The following ELAVL2 variants were observed in gnomAD, a reference collection of about 807,000 sequenced individuals.
ELAVL2 encodes the protein ELAV-like protein 2.
Under a neutral mutation model 34.6 loss-of-function variants are expected in ELAVL2, and 4 were observed. That is an observed-to-expected ratio of 0.12 (90% CI 0.06 to 0.26). The LOEUF (loss-of-function observed/expected upper bound fraction) is 0.26, where lower values mean the gene tolerates loss of function less well. Ranked by LOEUF, ELAVL2 falls within the 10% of genes least tolerant of loss-of-function variation. ELAVL2 has a pLI of 1.00. For synonymous variants in ELAVL2, 193 were observed against 154.8 expected, an observed-to-expected ratio of 1.25 and a Z score of -1.83; for missense variants, 432 against 442.8, an observed-to-expected ratio of 0.98 and a Z score of 0.22.
intron 2 of ELAVL2, among the ~76,000 whole-genome samples, chr9:23,741,435 C>T (rs985798389): frequency 1.1e-4 from 16 of 152,148 alleles, no homozygotes; most frequent in African/African-American, 3.9e-4. Flanking sequence ...TGAGCAGATG[C>T]AGATGTAAGA....
chr9:23,825,227 C>CCCCAG (rs1381032274), intron 1 of ELAVL2, among the ~76,000 whole-genome samples: 2 of 152,184 alleles, frequency 1.3e-5, no homozygotes, highest in African/African-American at 2.4e-5. Flanking sequence ...CTCAGCCCAG[C>CCCCAG]CCCAGCCCCA....
chr9:23,846,164 T>A, the ELAVL2 span, among the ~76,000 whole-genome samples: 4 of 151,918 alleles, frequency 2.6e-5, no homozygotes, highest in South Asian at 6.2e-4. Context: ...TATTAGAGAG[T>A]CTATCATCTT....
intron 3 of ELAVL2, among the ~76,000 whole-genome samples, chr9:23,728,752 T>C (rs1022265956): frequency 2.0e-5 from 3 of 152,058 alleles, no homozygotes; most frequent in East Asian, 1.9e-4. Context: ...ATCTGTCTAA[T>C]GGAAATAAAT....
At chr9:23,787,210 C>T (rs1309286979) in intron 1 of ELAVL2, among the ~76,000 whole-genome samples, 1 of 151,786 alleles carries the variant, frequency 6.6e-6, no homozygotes, top group African/African-American at 2.4e-5. Flanking sequence ...TTTTAAAGGG[C>T]ATTACCCCCC....
At chr9:23,724,195 ACTC>A (rs2044488664) in intron 3 of ELAVL2, among the ~76,000 whole-genome samples, 1 of 152,126 alleles carries the variant, frequency 6.6e-6, no homozygotes, top group African/African-American at 2.4e-5. Flanking sequence ...AACTGTTGAG[ACTC>A]TTCTACCATC....
intron 1 of ELAVL2, among the ~76,000 whole-genome samples, chr9:23,788,315 G>C (rs2059938450): frequency 1.3e-5 from 2 of 152,082 alleles, no homozygotes. Flanking sequence ...CCTAAGTCTT[G>C]ATTTCCTCAT....
chr9:23,766,201 A>G (rs536037236), intron 1 of ELAVL2, among the ~76,000 whole-genome samples: 2 of 152,302 alleles, frequency 1.3e-5, no homozygotes, highest in Admixed American at 6.5e-5. Flanking sequence ...TCTATCAAAA[A>G]GGATTAACAT....
intron 1 of ELAVL2, among the ~76,000 whole-genome samples, chr9:23,796,104 A>G (rs909905880): frequency 1.3e-5 from 2 of 152,218 alleles, no homozygotes; most frequent in Non-Finnish European, 2.9e-5. Context: ...TACTTCTGCA[A>G]TCCAAAGAAG....
At chr9:23,774,173 T>C (rs1288137461) in intron 1 of ELAVL2, among the ~76,000 whole-genome samples, 1 of 125,096 alleles carries the variant, frequency 8.0e-6, no homozygotes, top group Non-Finnish European at 1.5e-5. Context: ...ATCGCACCAC[T>C]GCACCCCAAG....
intron 3 of ELAVL2, among the ~76,000 whole-genome samples, chr9:23,730,290 A>G (rs974867970): frequency 4.6e-5 from 7 of 152,168 alleles, no homozygotes; most frequent in Non-Finnish European, 1.0e-4. Flanking sequence ...CAAAAGCAGC[A>G]AAGTATGTAC....
At chr9:23,724,479 C>G (rs1028931993) in intron 3 of ELAVL2, among the ~76,000 whole-genome samples, 1 of 152,166 alleles carries the variant, frequency 6.6e-6, no homozygotes, top group African/African-American at 2.4e-5. Flanking sequence ...GCTACCTACC[C>G]ACATTCCCTA....
chr9:23,788,813 G>T (rs1028971213), intron 1 of ELAVL2, among the ~76,000 whole-genome samples: 2 of 152,132 alleles, frequency 1.3e-5, no homozygotes, highest in Non-Finnish European at 2.9e-5. Flanking sequence ...TAACAGCATG[G>T]ATACACTAGA....
chr9:23,803,852 A>T (rs778438359), intron 1 of ELAVL2, among the ~76,000 whole-genome samples: 3 of 152,196 alleles, frequency 2.0e-5, no homozygotes, highest in African/African-American at 7.2e-5. Context: ...AGACCTCACC[A>T]AACTCCCATA....
Position 23,737,884 on chromosome 9 carries a change from A to T in ELAVL2, c.230-6759T>A, listed in dbSNP as rs577137441. On this transcript the variant is annotated intron_variant, in intron 2 of 6. Coordinates refer to ENST00000397312, the MANE Select transcript of ELAVL2 (RefSeq NM_004432.5). ...CAAAATGGAAAGATTCGCTTCCTCC[A>T]AACACAGCTCTTGCATAAAACTGCA... 4.6e-5 allele frequency among the ~76,000 whole-genome samples: 7 copies of T among 152,320 alleles called. No individual in the cohort carries two copies. The South Asian group carries it at 8.3e-4, about 18-fold the overall frequency.
At chr9:23,759,686 T>G (rs2054407217) in intron 2 of ELAVL2, among the ~76,000 whole-genome samples, 1 of 147,512 alleles carries the variant, frequency 6.8e-6, no homozygotes, top group African/African-American at 2.5e-5. Context: ...ATGTGTTAAC[T>G]ATATACAAAT....
intron 1 of ELAVL2, among the ~76,000 whole-genome samples, chr9:23,820,959 T>C (rs566510240): frequency 6.6e-5 from 10 of 152,136 alleles, no homozygotes; most frequent in Non-Finnish European, 1.0e-4. Flanking sequence ...GGGATCATCA[T>C]TGCTCCTGCC....
the ELAVL2 span, among the ~76,000 whole-genome samples, chr9:23,844,504 A>T: frequency 6.6e-6 from 1 of 151,986 alleles, no homozygotes; most frequent in Non-Finnish European, 1.5e-5. Flanking sequence ...AAAAGTCTAG[A>T]TTTCTGTAGC....
At chr9:23,701,273 A>G (rs749158389) in intron 5 of ELAVL2, 106 bp downstream of exon 5, 9 of 1,236,498 alleles carry the variant, frequency 7.3e-6, no homozygotes, top group Non-Finnish European at 8.1e-6. Context: ...AACCAACAAC[A>G]CTGACAAAAG....
chr9:23,843,706 C>G, the ELAVL2 span, among the ~76,000 whole-genome samples: 1 of 152,008 alleles, frequency 6.6e-6, no homozygotes. Flanking sequence ...CAGGCAATCT[C>G]CCTCATCATT....
Sources: gnomAD v4.1 joint callset for allele counts (sites outside exome capture counted in the v4.1 genomes callset) on GRCh38, gnomAD v4.1.1 for gene constraint, MANE v1.5 for transcripts, NCBI Gene and HGNC (gene_info 2026-07-23, HGNC 2026-07-21) for gene names.